Variants in LY75 observed in about 807,000 individuals in gnomAD.
LY75 encodes the protein C-type lectin domain family 13 member B.
LY75 carries 185 observed loss-of-function variants against 231.7 expected under a neutral mutation model. That is an observed-to-expected ratio of 0.80 (90% CI 0.71 to 0.90). The LOEUF (loss-of-function observed/expected upper bound fraction) is 0.90. Among genes scored for constraint, LY75 ranks in the 40% least tolerant of loss-of-function variants. The probability of loss-of-function intolerance (pLI) is 0.00; values close to 1 mark genes in which losing one functional copy is unlikely to be tolerated. For missense variants in LY75, 1,947 were observed against 2,050.2 expected, an observed-to-expected ratio of 0.95 and a Z score of 0.97; for synonymous variants, 668 against 689.0, an observed-to-expected ratio of 0.97 and a Z score of 0.48.
intron 31 of LY75, among the ~76,000 whole-genome samples, chr2:159,811,306 C>CA (rs1553798215): frequency 6.6e-6 from 1 of 152,050 alleles, no homozygotes; most frequent in East Asian, 1.9e-4. Flanking sequence ...ATCACTCAAA[C>CA]AAAAAAAGAC....
At chr2:159,885,580 C>T (rs2729727) in intron 5 of LY75, among the ~76,000 whole-genome samples, 1 of 152,000 alleles carries the variant, frequency 6.6e-6, no homozygotes, top group Non-Finnish European at 1.5e-5. Context: ...ATATTCTATG[C>T]TTAGTAGCTC....
At chr2:159,862,910 T>C (rs1040146285) in intron 14 of LY75, among the ~76,000 whole-genome samples, 1 of 152,044 alleles carries the variant, frequency 6.6e-6, no homozygotes, top group African/African-American at 2.4e-5. Flanking sequence ...ATTCTTCCTA[T>C]CTAAATGAAA....
chr2:159,846,036 C>T (rs984482368), intron 23 of LY75, among the ~76,000 whole-genome samples: 13 of 151,524 alleles, frequency 8.6e-5, no homozygotes, highest in Non-Finnish European at 1.6e-4. Flanking sequence ...AATTCCTGGG[C>T]TCAAGTGATC....
At chr2:159,871,346 T>G (rs778871997) in intron 13 of LY75, among the ~76,000 whole-genome samples, 4 of 151,996 alleles carry the variant, frequency 2.6e-5, no homozygotes, top group Non-Finnish European at 5.9e-5. Context: ...AAGTAATAAA[T>G]TAGAGACCTG....
At chr2:159,844,490 G>C (rs1684139109) in intron 23 of LY75, among the ~76,000 whole-genome samples, 1 of 152,078 alleles carries the variant, frequency 6.6e-6, no homozygotes, top group African/African-American at 2.4e-5. Flanking sequence ...TTGAGGTCCA[G>C]ATCAAGTCTA....
At chr2:159,829,425 T>A (rs1308474873) in intron 28 of LY75, among the ~76,000 whole-genome samples, 1 of 152,242 alleles carries the variant, frequency 6.6e-6, no homozygotes, top group African/African-American at 2.4e-5. Context: ...TCAGTTGACA[T>A]ACTGTGGCTT....
Position 159,882,230 on chromosome 2 carries a change from A to ATT in LY75, c.1138_1139dup (p.Asn380LysfsTer18), listed in dbSNP as rs1331763810. ...ATTTCGCATGTGCCTTATCCCAGGA[A>ATT]TTACTTTCATTTACCAGCAGATAGC... is the stretch of plus-strand genomic sequence containing the variant. On this transcript the variant is annotated frameshift_variant, in exon 7 of 35. Coordinates refer to ENST00000263636, the MANE Select transcript of LY75 (RefSeq NM_002349.4). LOFTEE classifies it high-confidence loss of function. 6.2e-7 allele frequency: 1 copy of ATT among 1,613,918 alleles called. No homozygotes were observed. The highest frequency in any genetic ancestry group is 8.5e-7 in the Non-Finnish European group (1 of 1,179,940).
At chr2:159,902,321 T>C (rs76708051) in intron 1 of LY75, 1 of 152,238 alleles carries the variant, frequency 6.6e-6, no homozygotes, top group Non-Finnish European at 1.5e-5. Flanking sequence ...TCATGTTATA[T>C]AAATTCTCCA....
chr2:159,885,417 A>C (rs1445212534), intron 5 of LY75, 124 bp from the exon 6 acceptor site: 1 of 1,252,648 alleles, frequency 8.0e-7, no homozygotes, highest in Non-Finnish European at 1.1e-6. Context: ...GTTAAAACTT[A>C]ACTAAATTGA....
chr2:159,824,840 A>G (rs2125836558), intron 28 of LY75, among the ~76,000 whole-genome samples: 1 of 101,724 alleles, frequency 9.8e-6, no homozygotes, highest in Admixed American at 1.1e-4. Context: ...AAACTGAACA[A>G]CCTGCTCCTG....
rs1685461813 is a variant in LY75, at chr2:159,882,330, G to C, written c.1055-15C>G. The stretch of plus-strand genomic sequence containing the variant: ...TGTCCAGACATCTGGGGGAAAAGCA[G>C]CTATTTATATTCCAGTAAAGATACA... On this transcript the variant is annotated splice_polypyrimidine_tract_variant and intron_variant, in intron 6 of 34. Coordinates refer to ENST00000263636, the MANE Select transcript of LY75 (RefSeq NM_002349.4). 1.2e-6 allele frequency: 2 copies of C among 1,609,996 alleles called. No individual in the cohort carries two copies. The highest frequency in any genetic ancestry group is 8.5e-7 in the Non-Finnish European group (1 of 1,178,464).
chr2:159,880,963 T>C, intron 8 of LY75, 120 bp downstream of exon 8: 2 of 1,266,358 alleles, frequency 1.6e-6, no homozygotes, highest in Non-Finnish European at 2.1e-6. Context: ...TGTACCCTGA[T>C]CCAGAGTGCT....
intron 13 of LY75, among the ~76,000 whole-genome samples, chr2:159,870,053 A>G (rs1287259609): frequency 6.6e-6 from 1 of 152,182 alleles, no homozygotes; most frequent in Non-Finnish European, 1.5e-5. Context: ...GATGCTTAAT[A>G]AATAAATATT....
At chr2:159,860,439 A>T (rs537038051) in intron 15 of LY75, among the ~76,000 whole-genome samples, 1 of 152,012 alleles carries the variant, frequency 6.6e-6, no homozygotes, top group Non-Finnish European at 1.5e-5. Flanking sequence ...ACTTTCTCAT[A>T]CCATCCCCTC....
At chr2:159,902,230 G>A (rs957772533) in intron 1 of LY75, 1 of 152,108 alleles carries the variant, frequency 6.6e-6, no homozygotes, top group African/African-American at 2.4e-5. Context: ...TTACCTCCAA[G>A]TACAATATTG....
intron 15 of LY75, among the ~76,000 whole-genome samples, chr2:159,860,370 C>T (rs1477301817): frequency 1.3e-5 from 2 of 152,170 alleles, no homozygotes; most frequent in African/African-American, 4.8e-5. Flanking sequence ...ACCAATGAAA[C>T]TTCTTGATCT....
At chr2:159,853,123 G>A (rs1484739248) in intron 20 of LY75, 150 bp downstream of exon 20, 2 of 749,544 alleles carry the variant, frequency 2.7e-6, no homozygotes, top group Non-Finnish European at 4.2e-6. Flanking sequence ...TATTTGCATT[G>A]GGAATTTGAG....
chr2:159,830,829 G>T (rs146355352), intron 28 of LY75, among the ~76,000 whole-genome samples: 3 of 152,122 alleles, frequency 2.0e-5, no homozygotes, highest in East Asian at 3.9e-4. Context: ...TGATCCACCC[G>T]CCTTGGCCTC....
At chr2:159,895,872 G>A (rs1415097532) in intron 2 of LY75, among the ~76,000 whole-genome samples, 1 of 152,204 alleles carries the variant, frequency 6.6e-6, no homozygotes, top group African/African-American at 2.4e-5. Flanking sequence ...TAAGCATTTT[G>A]TTCCCACACA....
Sources: gnomAD v4.1 joint callset for allele counts (sites outside exome capture counted in the v4.1 genomes callset) on GRCh38, gnomAD v4.1.1 for gene constraint, MANE v1.5 for transcripts, NCBI Gene and HGNC (gene_info 2026-07-23, HGNC 2026-07-21) for gene names.